Variants in SIRT2 observed in about 807,000 individuals in gnomAD.
SIRT2 encodes the protein sirtuin 2.
Under a neutral mutation model 57.4 loss-of-function variants are expected in SIRT2, and 40 were observed. That is an observed-to-expected ratio of 0.70 (90% CI 0.54 to 0.91). SIRT2 has a LOEUF of 0.91. Among genes scored for constraint, SIRT2 ranks in the 40% least tolerant of loss-of-function variants. The pLI is 0.00. For missense variants in SIRT2, 439 were observed against 510.4 expected, an observed-to-expected ratio of 0.86 and a Z score of 1.35; for synonymous variants, 161 against 195.7, an observed-to-expected ratio of 0.82 and a Z score of 1.48.
intron 8 of SIRT2, among the ~76,000 whole-genome samples, chr19:38,884,107 T>C (rs868349303): frequency 2.4e-5 from 1 of 41,438 alleles, no homozygotes; most frequent in African/African-American, 1.4e-4. Context: ...CTACAAAAAA[T>C]TAAAAAAAAA....
At chr19:38,881,015 G>A in intron 11 of SIRT2, 85 bp downstream of exon 11, 1 of 1,555,118 alleles carries the variant, frequency 6.4e-7, no homozygotes, top group Non-Finnish European at 8.8e-7. Flanking sequence ...GACCTTTCCT[G>A]AGGCAGGGCC....
At position 38,883,752 on chromosome 19, in the gene SIRT2, A is replaced by G. The variant is rs975774968; in HGVS notation, c.506T>C (p.Ile169Thr). 15 of 1,613,782 alleles carry G rather than the reference A, an allele frequency of 9.3e-6. No homozygotes were observed. The highest frequency in any genetic ancestry group is 1.3e-5 in the Non-Finnish European group (15 of 1,179,830). Residue 169 changes from isoleucine (I) to threonine (T), a missense_variant, in exon 9 of 16, where the codon ATA becomes ACA. Physicochemically the swap from Ile to Thr is moderately conservative, Grantham distance 89. Coordinates refer to ENST00000249396, the MANE Select transcript of SIRT2 (RefSeq NM_012237.4). The stretch of plus-strand genomic sequence containing the variant: ...CCCGGCTATTCGCTCCAGGGTATCT[A>G]TGTTCTAGAGGGAGAGATGGAGGGA... ...GLLLRCYTQN[I>T]DTLERIAGLE... is the part of the protein sequence containing the mutation.
rs1973116193 is a variant in SIRT2, at chr19:38,880,632, G to A, written c.876+53C>T. Reference sequence around the variant, plus strand: ...GTGGGGGTTCCCTCTGAGGAAAAGGGTGAGAGGGAAGGGGGAGCCTGTGAC... The same window carrying A: ...GTGGGGGTTCCCTCTGAGGAAAAGGATGAGAGGGAAGGGGGAGCCTGTGAC... On this transcript the variant is annotated intron_variant, in intron 13 of 15. Transcript: ENST00000249396. This position sits in a 1 kb window ranked among gnomAD's most constrained non-coding sequence, Gnocchi z 4.1. 6.9e-6 allele frequency: 9 copies of A among 1,304,160 alleles called. No individual in the cohort carries two copies. The highest frequency in any genetic ancestry group is 2.2e-4 in the Middle Eastern group (1 of 4,468). The allele number at this position is 1,304,160 out of a possible 1,614,324, so 80.8% of individuals were successfully genotyped here.
At position 38,880,816 on chromosome 19, in the gene SIRT2, C is replaced by A; in HGVS notation, c.824+5G>T. Reference sequence around the variant, plus strand: ...CCGTCCTCCCAGCCACAGCCCCCAACCTACTTGCTGATGAGGGAGGCAAAG... The same window carrying A: ...CCGTCCTCCCAGCCACAGCCCCCAAACTACTTGCTGATGAGGGAGGCAAAG... On this transcript the variant is annotated splice_donor_5th_base_variant and intron_variant, in intron 12 of 15. Coordinates refer to ENST00000249396, the MANE Select transcript of SIRT2 (RefSeq NM_012237.4). This position sits in a 1 kb window ranked among gnomAD's most constrained non-coding sequence, Gnocchi z 4.1. 1 of 1,613,854 alleles carries A rather than the reference C, an allele frequency of 6.2e-7. No individual in the cohort carries two copies. The highest frequency in any genetic ancestry group is 8.5e-7 in the Non-Finnish European group (1 of 1,179,926).
In SIRT2 at chr19:38,889,810, C is replaced by T. The variant is rs749503258; in HGVS notation, c.375+45G>A. On this transcript the variant is annotated intron_variant, in intron 6 of 15. Coordinates refer to ENST00000249396, the MANE Select transcript of SIRT2 (RefSeq NM_012237.4). The stretch of plus-strand genomic sequence containing the variant: ...GCGTGAGGGTTGGAGCCAGGTGACC[C>T]CATCCCCACCCCTCACAGACGCCCC... 1.5e-5 allele frequency: 25 copies of T among 1,612,992 alleles called. 1 individual carries two copies. The South Asian group carries it at 2.6e-4, about 17-fold the overall frequency.
Position 38,883,762 on chromosome 19 carries a change from G to T in SIRT2, c.502-6C>A. On this transcript the variant is annotated splice_polypyrimidine_tract_variant and splice_region_variant and intron_variant, in intron 8 of 15. Transcript: ENST00000249396. ...CGCTCCAGGGTATCTATGTTCTAGA[G>T]GGAGAGATGGAGGGAAGAGGGGTGA... 1 of 1,613,872 alleles carries T rather than the reference G, an allele frequency of 6.2e-7. No individual in the cohort carries two copies. Among genetic ancestry groups the T allele is most frequent in the Non-Finnish European group, 8.5e-7 (1 of 1,179,836 alleles).
intron 8 of SIRT2, among the ~76,000 whole-genome samples, chr19:38,883,964 C>T (rs2144674970): frequency 6.6e-6 from 1 of 152,228 alleles, no homozygotes; most frequent in East Asian, 1.9e-4. Context: ...GTCAAGGCTG[C>T]TTAAAGGCAG....
At chr19:38,889,987 T>C (rs1232164475) in intron 5 of SIRT2, 26 bp from the exon 6 acceptor site, 1 of 1,611,960 alleles carries the variant, frequency 6.2e-7, no homozygotes, top group Non-Finnish European at 8.5e-7. Context: ...CAGGGAGCAG[T>C]TGGTCTATAC....
In SIRT2 at chr19:38,880,963, C is replaced by T; in HGVS notation, c.748-66G>A. 10 of 1,571,118 alleles carry T rather than the reference C, an allele frequency of 6.4e-6. No homozygotes were observed. The highest frequency in any genetic ancestry group is 8.7e-6 in the Non-Finnish European group (10 of 1,144,672). The stretch of plus-strand genomic sequence containing the variant: ...TGCGCCACCGCTCCCTCCCCCGCCC[C>T]CAGCAGCAAACCTCCCTGCCGCCCC... On this transcript the variant is annotated intron_variant, in intron 11 of 15. Coordinates refer to ENST00000249396, the MANE Select transcript of SIRT2 (RefSeq NM_012237.4). This position sits in a 1 kb window ranked among gnomAD's most constrained non-coding sequence, Gnocchi z 4.1.
Position 38,893,460 on chromosome 19 carries a change from G to A in SIRT2, c.180C>T (p.Asp60=), listed in dbSNP as rs201677615. The stretch of plus-strand genomic sequence containing the variant: ...GGGCCACCCCTTCCAAGGTCAGCTC[G>A]TCCAGCAGACGCTCCTTCTGGCTGC... The part of the protein sequence containing the change: ...SLGSQKERLL[D]ELTLEGVARY... The change falls in exon 4 of 16, where the codon GAC becomes GAT. Residue 60 remains aspartate, a synonymous_variant. Transcript: ENST00000249396. The A allele has an allele frequency of 6.1e-5, 99 of 1,614,036 alleles. No homozygotes were observed. Among genetic ancestry groups the A allele is most frequent in the Non-Finnish European group, 7.6e-5 (90 of 1,179,948 alleles).
At chr19:38,887,682 G>T (rs1305495342) in intron 8 of SIRT2, among the ~76,000 whole-genome samples, 1 of 152,170 alleles carries the variant, frequency 6.6e-6, no homozygotes, top group Non-Finnish European at 1.5e-5. Context: ...TGGGGCTGCA[G>T]GTGCCAAACT....
At chr19:38,892,023 C>A (rs1020368843) in intron 4 of SIRT2, 11 of 420,300 alleles carry the variant, frequency 2.6e-5, no homozygotes, top group South Asian at 1.9e-4. Flanking sequence ...TCAGGAACCA[C>A]AAAGGGTCGA....
chr19:38,885,245 C>T (rs1430906964), intron 8 of SIRT2, among the ~76,000 whole-genome samples: 4 of 151,606 alleles, frequency 2.6e-5, no homozygotes, highest in Admixed American at 2.6e-4. Flanking sequence ...GCCACCATGC[C>T]CGGCTAATTT....
intron 4 of SIRT2, chr19:38,892,027 G>A (rs968301641): frequency 9.7e-6 from 4 of 414,282 alleles, no homozygotes; most frequent in Admixed American, 2.8e-5. Context: ...GAACCACAAA[G>A]GGTCGATTGT....
intron 4 of SIRT2, among the ~76,000 whole-genome samples, chr19:38,892,289 G>A (rs974239261): frequency 2.6e-5 from 4 of 151,906 alleles, no homozygotes; most frequent in African/African-American, 4.8e-5. Context: ...CCAGCCACTC[G>A]GGAGGCTGAG....
intron 8 of SIRT2, among the ~76,000 whole-genome samples, chr19:38,888,490 G>T (rs1197170734): frequency 6.6e-6 from 1 of 152,160 alleles, no homozygotes; most frequent in African/African-American, 2.4e-5. Flanking sequence ...TTTTTTTACT[G>T]TTAGGGGTGT....
At chr19:38,883,859 G>T in intron 8 of SIRT2, 103 bp from the exon 9 acceptor site, 1 of 1,265,192 alleles carries the variant, frequency 7.9e-7, no homozygotes, top group Non-Finnish European at 1.1e-6. Flanking sequence ...GTGAGGTGGT[G>T]GGGACAGGTG....
chr19:38,883,829 G>A (rs1267358361), intron 8 of SIRT2, 73 bp from the exon 9 acceptor site: 4 of 1,540,770 alleles, frequency 2.6e-6, no homozygotes, highest in Non-Finnish European at 2.7e-6. Context: ...ACAGTAGGGA[G>A]TTGAGGGCCA....
intron 2 of SIRT2, among the ~76,000 whole-genome samples, chr19:38,896,945 A>G (rs1258199022): frequency 1.3e-5 from 2 of 152,082 alleles, no homozygotes; most frequent in Admixed American, 6.6e-5. Context: ...CCTAAGGGAG[A>G]GCCGGAGGTG....
Sources: gnomAD v4.1 joint callset for allele counts (sites outside exome capture counted in the v4.1 genomes callset) on GRCh38, gnomAD v4.1.1 for gene constraint, Gnocchi (gnomAD v3.1) non-coding constraint, MANE v1.5 for transcripts, NCBI Gene and HGNC (gene_info 2026-07-23, HGNC 2026-07-21) for gene names.